The following TBC1D23 variants were observed in gnomAD, a reference collection of about 807,000 sequenced individuals.
TBC1D23 encodes HCV non-structural protein 4A-transactivated protein 1.
A neutral mutation model predicts 91.4 loss-of-function variants in TBC1D23; 55 were observed. That is an observed-to-expected ratio of 0.60 (90% confidence interval 0.48 to 0.75). The LOEUF (loss-of-function observed/expected upper bound fraction) is 0.75. Among genes scored for constraint, TBC1D23 ranks in the 30% least tolerant of loss-of-function variants. The probability of loss-of-function intolerance (pLI) is 0.00; values close to 1 mark genes in which losing one functional copy is unlikely to be tolerated. For missense variants in TBC1D23, 725 were observed against 836.1 expected, an observed-to-expected ratio of 0.87 and a Z score of 1.64; for synonymous variants, 289 against 281.0, an observed-to-expected ratio of 1.03 and a Z score of -0.28.
At chr3:100,304,275 T>C (rs1267834304) in intron 11 of TBC1D23, among the ~76,000 whole-genome samples, 5 of 152,302 alleles carry the variant, frequency 3.3e-5, no homozygotes. Flanking sequence ...TTTAGAGATG[T>C]GTTCAGACTT....
Position 100,290,254 on chromosome 3 carries a change from G to T in TBC1D23, c.477-324G>T, listed in dbSNP as rs6794575. On this transcript the variant is annotated intron_variant, in intron 4 of 18. Transcript: ENST00000394144. ...GAAGTTCCTCTTTTTTGGCAGAGAA[G>T]GAAGGACTCCCCAGATCTCCTTTTG... is the stretch of plus-strand genomic sequence containing the variant. Among the ~76,000 whole-genome samples the T allele has an allele frequency of 5.9e-3, 893 of 152,236 alleles. 12 individuals carry two copies. Among genetic ancestry groups the T allele is most frequent in the African/African-American group, 0.021 (863 of 41,548 alleles).
chr3:100,309,610 C>CTTTTTTTTTTTTTTTTTTTT (rs71132518), intron 13 of TBC1D23, among the ~76,000 whole-genome samples: 1 of 116,124 alleles, frequency 8.6e-6, no homozygotes, highest in African/African-American at 3.2e-5. Flanking sequence ...ATTCTACCTT[C>CTTTTTTTTTTTTTTTTTTTT]TTTTTTTTTT....
At chr3:100,279,805 ATAT>A (rs2067679896) in intron 2 of TBC1D23, 45 bp downstream of exon 2, 1 of 1,240,778 alleles carries the variant, frequency 8.1e-7, no homozygotes, top group South Asian at 1.4e-5. Context: ...CTGAAGAATA[ATAT>A]TTTTAAAAGT....
At chr3:100,314,090 A>ATT (rs1225731560) in intron 15 of TBC1D23, among the ~76,000 whole-genome samples, 19 of 136,096 alleles carry the variant, frequency 1.4e-4, no homozygotes, top group Non-Finnish European at 6.5e-5. Flanking sequence ...TAGGCTACAA[A>ATT]ATTTTTTTTT....
intron 5 of TBC1D23, among the ~76,000 whole-genome samples, chr3:100,293,003 T>A (rs1208688666): frequency 6.6e-6 from 1 of 152,210 alleles, no homozygotes; most frequent in Non-Finnish European, 1.5e-5. Flanking sequence ...AATAGAGGTC[T>A]CTCTGCCTAG....
intron 18 of TBC1D23, 67 bp downstream of exon 18, chr3:100,321,038 A>G (rs1705849119): frequency 4.1e-6 from 5 of 1,217,886 alleles, no homozygotes; most frequent in Admixed American, 2.5e-5. Context: ...AGTTCACTAT[A>G]AAGAGTTTGT....
At chr3:100,296,559 T>A (rs1336910930) in intron 8 of TBC1D23, among the ~76,000 whole-genome samples, 2 of 152,162 alleles carry the variant, frequency 1.3e-5, no homozygotes, top group Non-Finnish European at 2.9e-5. Context: ...CTTTCTTGAC[T>A]TTAAAAATTA....
At chr3:100,274,928 AG>A (rs1559801223) in intron 1 of TBC1D23, among the ~76,000 whole-genome samples, 1 of 141,144 alleles carries the variant, frequency 7.1e-6, no homozygotes, top group Non-Finnish European at 1.5e-5. Context: ...TTCATCCCTC[AG>A]TGAACGGACA....
At chr3:100,313,254 A>G (rs1457883356) in intron 15 of TBC1D23, among the ~76,000 whole-genome samples, 1 of 152,096 alleles carries the variant, frequency 6.6e-6, no homozygotes, top group Non-Finnish European at 1.5e-5. Flanking sequence ...TTCAACTCCC[A>G]AGTTCTCAAA....
At chr3:100,302,342 G>T in intron 11 of TBC1D23, 105 bp downstream of exon 11, 5 of 955,166 alleles carry the variant, frequency 5.2e-6, no homozygotes, top group East Asian at 6.2e-5. Context: ...TACTTTTCTT[G>T]GTTTTGTGAC....
chr3:100,296,418 A>G (rs1344779546), intron 8 of TBC1D23, 143 bp downstream of exon 8: 3 of 525,418 alleles, frequency 5.7e-6, no homozygotes, highest in South Asian at 2.9e-5. Flanking sequence ...TTTTTTTTTC[A>G]TCTCTGTAAA....
intron 4 of TBC1D23, among the ~76,000 whole-genome samples, chr3:100,289,693 T>C (rs1408623657): frequency 6.6e-6 from 1 of 152,164 alleles, no homozygotes; most frequent in East Asian, 1.9e-4. Flanking sequence ...CTTCCTGAGA[T>C]GATGACTAGA....
chr3:100,290,969 TTAC>T (rs1391977594), intron 5 of TBC1D23, among the ~76,000 whole-genome samples: 1 of 152,184 alleles, frequency 6.6e-6, no homozygotes, highest in Non-Finnish European at 1.5e-5. Context: ...CAAATAAATA[TTAC>T]AACTCATATT....
chr3:100,267,290 T>C (rs1273607833), intron 1 of TBC1D23: 3 of 432,376 alleles, frequency 6.9e-6, no homozygotes, highest in East Asian at 1.4e-4. Flanking sequence ...AATTCTTTCT[T>C]GTAGAAATAA....
intron 8 of TBC1D23, among the ~76,000 whole-genome samples, chr3:100,296,655 C>A (rs930229671): frequency 6.6e-6 from 1 of 151,246 alleles, no homozygotes; most frequent in Non-Finnish European, 1.5e-5. Context: ...GTCGGGAGAT[C>A]GAGACCATCC....
At chr3:100,319,577 C>T (rs535192162) in intron 17 of TBC1D23, among the ~76,000 whole-genome samples, 3 of 152,040 alleles carry the variant, frequency 2.0e-5, no homozygotes, top group East Asian at 1.9e-4. Context: ...TACAGGCATG[C>T]GCCACCACCC....
Position 100,261,024 on chromosome 3 carries a change from G to C in TBC1D23, c.6G>C (p.Ala2=). 2 of 1,613,946 alleles carry C rather than the reference G, an allele frequency of 1.2e-6. No individual in the cohort carries two copies. The highest frequency in any genetic ancestry group is 2.2e-5 in the East Asian group (1 of 44,872). ...TGACGTGGACGTCAACAGCAATGGC[G>C]GAAGGAGAAGATGTGCCGCCGCTGC... M[A]EGEDVPPLPT... Residue 2 remains alanine (A), a synonymous_variant, in exon 1 of 19, where the codon GCG becomes GCC. Transcript: ENST00000394144.
chr3:100,312,196 G>A (rs147777461), intron 15 of TBC1D23, among the ~76,000 whole-genome samples: 74 of 152,242 alleles, frequency 4.9e-4, no homozygotes, highest in African/African-American at 1.4e-3. Context: ...ATGTGGTCGC[G>A]AGTTGGCAGG....
intron 15 of TBC1D23, among the ~76,000 whole-genome samples, chr3:100,313,959 A>G (rs1227974249): frequency 6.6e-6 from 1 of 152,176 alleles, no homozygotes; most frequent in Non-Finnish European, 1.5e-5. Context: ...TAATTTAATC[A>G]GACTTTAAGC....
Sources: allele counts gnomAD v4.1 joint callset (sites outside exome capture counted in the v4.1 genomes callset), GRCh38; gene constraint gnomAD v4.1.1; transcripts MANE v1.5; gene names NCBI Gene and HGNC (gene_info 2026-07-23, HGNC 2026-07-21).